The following LRMDA variants were observed in gnomAD, a reference collection of about 807,000 sequenced individuals.
LRMDA encodes the protein leucine-rich melanocyte differentiation-associated protein.
A neutral mutation model predicts 29.8 loss-of-function variants in LRMDA; 18 were observed. That is an observed-to-expected ratio of 0.60 (90% CI 0.42 to 0.90). LRMDA has a LOEUF of 0.90. Ranked by LOEUF, LRMDA falls within the 40% of genes least tolerant of loss-of-function variation. LRMDA has a pLI of 0.00. For missense variants in LRMDA, 273 were observed against 273.9 expected (o/e 1.00, Z 0.02); for synonymous variants, 125 against 109.4 (o/e 1.14, Z -0.89).
chr10:76,415,035 T>C (rs1300294472), intron 6 of LRMDA, among the ~76,000 whole-genome samples: 1 of 152,248 alleles, frequency 6.6e-6, no homozygotes, highest in Non-Finnish European at 1.5e-5. Context: ...CACAACTCTT[T>C]GCCCACATCC....
In LRMDA at chr10:76,154,984, G is replaced by A. The variant is rs572644351; in HGVS notation, c.516+96201G>A. Among the ~76,000 whole-genome samples the A allele has an allele frequency of 6.6e-5, 10 of 152,122 alleles. No homozygotes were observed. The East Asian group carries it at 1.2e-3, about 18-fold the overall frequency. ...GCCTGGATGTTGTATAAGTCATTTC[G>A]GCTCTCATTCCCTTTTGCCAGAACT... On this transcript the variant is annotated intron_variant, in intron 5 of 6. Transcript: ENST00000611255.
chr10:76,100,688 GC>G (rs1849381961), intron 5 of LRMDA, among the ~76,000 whole-genome samples: 1 of 152,152 alleles, frequency 6.6e-6, no homozygotes. Context: ...GATACAGTAT[GC>G]CCCCAGCATG....
chr10:75,474,241 TC>T (rs1844761548), intron 2 of LRMDA, among the ~76,000 whole-genome samples: 1 of 152,230 alleles, frequency 6.6e-6, no homozygotes, highest in Non-Finnish European at 1.5e-5. Context: ...AGTGAGTGTT[TC>T]CTGCTCTTTA....
chr10:75,647,527 C>T (rs1841537880), intron 2 of LRMDA: 1 of 152,256 alleles, frequency 6.6e-6, no homozygotes, highest in Non-Finnish European at 1.5e-5. Context: ...GGTGAATGAG[C>T]AGAATGGGTC....
intron 2 of LRMDA, among the ~76,000 whole-genome samples, chr10:75,490,999 G>A (rs1293988919): frequency 6.6e-6 from 1 of 152,152 alleles, no homozygotes; most frequent in African/African-American, 2.4e-5. Flanking sequence ...TCTAGTGGAC[G>A]AAGATAGTTA....
intron 5 of LRMDA, among the ~76,000 whole-genome samples, chr10:76,303,900 T>C (rs959725873): frequency 3.9e-5 from 6 of 152,052 alleles, no homozygotes; most frequent in African/African-American, 1.4e-4. Context: ...TCTATTTGCA[T>C]CCTAAATAGG....
intron 2 of LRMDA, among the ~76,000 whole-genome samples, chr10:75,714,101 C>G (rs1240739863): frequency 6.6e-6 from 1 of 152,116 alleles, no homozygotes; most frequent in Non-Finnish European, 1.5e-5. Context: ...TAGAAGGCCC[C>G]CAGAATGCAT....
intron 2 of LRMDA, among the ~76,000 whole-genome samples, chr10:75,954,943 A>G (rs1366042149): frequency 6.6e-6 from 1 of 152,208 alleles, no homozygotes; most frequent in East Asian, 1.9e-4. Flanking sequence ...CACAAGTGAT[A>G]AAAGTCTGTG....
intron 2 of LRMDA, among the ~76,000 whole-genome samples, chr10:75,621,234 C>A (rs12766765): frequency 2.5e-4 from 36 of 144,452 alleles, no homozygotes; most frequent in African/African-American, 9.1e-4. Flanking sequence ...ACCCACACAC[C>A]CACACACACA....
intron 2 of LRMDA, among the ~76,000 whole-genome samples, chr10:75,941,627 G>C (rs149290860): frequency 6.6e-6 from 1 of 152,222 alleles, no homozygotes; most frequent in Non-Finnish European, 1.5e-5. Context: ...ATTGGCTTGG[G>C]TTGCCTAACA....
intron 5 of LRMDA, among the ~76,000 whole-genome samples, chr10:76,241,184 A>G (rs1171031240): frequency 2.0e-5 from 3 of 152,154 alleles, no homozygotes; most frequent in Admixed American, 6.5e-5. Context: ...TGATGGGTGC[A>G]CCAAAATCTC....
intron 6 of LRMDA, among the ~76,000 whole-genome samples, chr10:76,410,997 T>TA (rs1463853552): frequency 6.6e-6 from 1 of 152,088 alleles, no homozygotes; most frequent in African/African-American, 2.4e-5. Flanking sequence ...TCCACAGATA[T>TA]ATGCAGGGAG....
chr10:75,804,080 A>G (rs939084042), intron 2 of LRMDA, among the ~76,000 whole-genome samples: 5 of 152,216 alleles, frequency 3.3e-5, no homozygotes, highest in African/African-American at 1.2e-4. Flanking sequence ...GTAGTTGGAA[A>G]GGCACTCAGT....
At chr10:75,502,685 A>G (rs565662189) in intron 2 of LRMDA, among the ~76,000 whole-genome samples, 1 of 152,282 alleles carries the variant, frequency 6.6e-6, no homozygotes, top group South Asian at 2.1e-4. Context: ...TTTCTTCCAA[A>G]GGGTTCAGAG....
At chr10:76,148,681 T>C (rs1308427951) in intron 5 of LRMDA, among the ~76,000 whole-genome samples, 1 of 152,180 alleles carries the variant, frequency 6.6e-6, no homozygotes, top group African/African-American at 2.4e-5. Context: ...TCGTGCACAG[T>C]GCGCTGCACC....
intron 6 of LRMDA, among the ~76,000 whole-genome samples, chr10:76,392,150 G>A (rs1841730053): frequency 6.6e-6 from 1 of 151,916 alleles, no homozygotes; most frequent in African/African-American, 2.4e-5. Context: ...TCTATTTTCT[G>A]ATGATAATTT....
intron 2 of LRMDA, among the ~76,000 whole-genome samples, chr10:75,890,253 A>C (rs1329242857): frequency 6.6e-6 from 1 of 152,188 alleles, no homozygotes; most frequent in Non-Finnish European, 1.5e-5. Flanking sequence ...AAAATTCATA[A>C]GTATATTTAA....
rs533301435 is a variant in LRMDA at position 76,055,483 on chromosome 10, G to A, written c.399-3183G>A. On this transcript the variant is annotated intron_variant, in intron 4 of 6. Coordinates refer to ENST00000611255, the MANE Select transcript of LRMDA (RefSeq NM_001305581.2). ...CTTGGGTTGTTACTTCCTCAGTTGG[G>A]AACCTCTGTGACTGGTGGTTCCTTT... is the stretch of plus-strand genomic sequence containing the variant. Among the ~76,000 whole-genome samples, 370 of 152,332 alleles carry A rather than the reference G, an allele frequency of 2.4e-3. 2 individuals carry two copies. Among genetic ancestry groups the A allele is most frequent in the African/African-American group, 7.4e-3 (309 of 41,570 alleles).
chr10:76,323,454 G>A (rs1486162988), intron 5 of LRMDA, among the ~76,000 whole-genome samples: 1 of 151,948 alleles, frequency 6.6e-6, no homozygotes, highest in Admixed American at 6.6e-5. Flanking sequence ...TGGAAAGATT[G>A]TTAGCTTCGG....
Sources: gnomAD v4.1 joint callset for allele counts (sites outside exome capture counted in the v4.1 genomes callset) on GRCh38, gnomAD v4.1.1 for gene constraint, MANE v1.5 for transcripts, NCBI Gene and HGNC (gene_info 2026-07-23, HGNC 2026-07-21) for gene names.